Variants in BICD1 observed in about 807,000 individuals in gnomAD.
The protein encoded by BICD1 is BICD cargo adaptor 1, also known as protein bicaudal D homolog 1.
BICD1 carries 35 observed loss-of-function variants against 92.5 expected under a neutral mutation model. The observed-to-expected ratio is 0.38, with a 90% CI of 0.29 to 0.50. The LOEUF (loss-of-function observed/expected upper bound fraction) is 0.50. Ranked by LOEUF, BICD1 falls within the 20% of genes least tolerant of loss-of-function variation. The pLI is 0.93. For missense variants in BICD1, 950 were observed against 1,189.8 expected (o/e 0.80, Z 2.97); for synonymous variants, 429 against 465.1 (o/e 0.92, Z 1.00).
intron 1 of BICD1, among the ~76,000 whole-genome samples, chr12:32,154,243 A>G (rs1448658361): frequency 2.0e-5 from 3 of 151,978 alleles, no homozygotes; most frequent in Non-Finnish European, 2.9e-5. Flanking sequence ...TACTTTATGT[A>G]TATGTTCTGG....
chr12:32,288,214 C>G (rs1300355651), intron 2 of BICD1, among the ~76,000 whole-genome samples: 1 of 146,014 alleles, frequency 6.8e-6, no homozygotes, highest in East Asian at 2.0e-4. Context: ...TGTCACCTAC[C>G]AAGTCCTAAT....
intron 2 of BICD1, among the ~76,000 whole-genome samples, chr12:32,238,231 T>A (rs1394010414): frequency 6.7e-6 from 1 of 149,150 alleles, no homozygotes; most frequent in African/African-American, 2.6e-5. Flanking sequence ...GAGACCCCCA[T>A]CTCCTAAAAA....
At chr12:32,283,972 T>C (rs1173576981) in intron 2 of BICD1, among the ~76,000 whole-genome samples, 1 of 152,246 alleles carries the variant, frequency 6.6e-6, no homozygotes, top group Non-Finnish European at 1.5e-5. Flanking sequence ...CTGGGCTCAC[T>C]TGGGCTAAAG....
At chr12:32,292,492 C>A (rs1947751926) in intron 2 of BICD1, among the ~76,000 whole-genome samples, 1 of 152,116 alleles carries the variant, frequency 6.6e-6, no homozygotes, top group Non-Finnish European at 1.5e-5. Context: ...GACAATTGAA[C>A]CTACATAGCA....
In BICD1 at chr12:32,377,663, G is replaced by A; in HGVS notation, c.*36G>A. On this transcript the variant is annotated 3_prime_UTR_variant, in exon 10 of 10. Transcript: ENST00000652176. ...CTGTGGACGAACATCTGGGGTGGAAGTTTTGTAGCCACACACAGGATACTG... is the reference window on the plus strand; with the variant it reads ...CTGTGGACGAACATCTGGGGTGGAAATTTTGTAGCCACACACAGGATACTG... 6.4e-7 allele frequency: 1 copy of A among 1,561,144 alleles called. No homozygotes were observed. The highest frequency in any genetic ancestry group is 8.8e-7 in the Non-Finnish European group (1 of 1,131,996).
chr12:32,117,470 T>C (rs1411772690), intron 1 of BICD1, among the ~76,000 whole-genome samples: 1 of 152,142 alleles, frequency 6.6e-6, no homozygotes, highest in Admixed American at 6.5e-5. Context: ...TTTTGATTTA[T>C]GTTTTGCTTT....
At chr12:32,152,716 T>C (rs185940558) in intron 1 of BICD1, among the ~76,000 whole-genome samples, 22 of 152,358 alleles carry the variant, frequency 1.4e-4, no homozygotes, top group African/African-American at 5.3e-4. Context: ...AATTCTTTTA[T>C]TTATGGAATT....
Position 32,174,426 on chromosome 12 carries a change from C to T in BICD1, c.214-41821C>T, listed in dbSNP as rs561300394. On this transcript the variant is annotated intron_variant, in intron 1 of 9. Coordinates refer to ENST00000652176, the MANE Select transcript of BICD1 (RefSeq NM_001714.4). ...GCCGAGGTGGGAGGATTGCTTAAGC[C>T]CAGGAGTTTGAGGCTGCAGTGTACA... Among the ~76,000 whole-genome samples the T allele has an allele frequency of 2.7e-3, 416 of 152,002 alleles. 2 individuals carry two copies. The highest frequency in any genetic ancestry group is 9.8e-3 in the African/African-American group (405 of 41,462).
chr12:32,332,615 C>T (rs973949053), intron 5 of BICD1: 10 of 306,080 alleles, frequency 3.3e-5, no homozygotes, highest in South Asian at 1.3e-4. Flanking sequence ...TACAGTTCAA[C>T]GTTACACATG....
At chr12:32,292,012 T>A (rs2136190295) in intron 2 of BICD1, among the ~76,000 whole-genome samples, 1 of 152,280 alleles carries the variant, frequency 6.6e-6, no homozygotes, top group East Asian at 1.9e-4. Context: ...TGCATTTACT[T>A]CTGTCACTGT....
At chr12:32,155,487 A>G (rs1943411467) in intron 1 of BICD1, among the ~76,000 whole-genome samples, 1 of 152,244 alleles carries the variant, frequency 6.6e-6, no homozygotes, top group African/African-American at 2.4e-5. Context: ...CTCACAGATT[A>G]AAGTACAGCC....
chr12:32,199,877 G>A (rs999250645), intron 1 of BICD1, among the ~76,000 whole-genome samples: 1 of 152,094 alleles, frequency 6.6e-6, no homozygotes, highest in Non-Finnish European at 1.5e-5. Context: ...AATGGGTCCT[G>A]TTAAGAATTC....
At position 32,131,046 on chromosome 12, in the gene BICD1, G is replaced by A. The variant is rs1157711101; in HGVS notation, c.213+23502G>A. On this transcript the variant is annotated intron_variant, in intron 1 of 9. Transcript: ENST00000652176. ...GACGGGGTTTCGTCATGTTGGCCAG[G>A]CTGGTCTCGAACTCCTGACCTCAGG... is the stretch of plus-strand genomic sequence containing the variant. Among the ~76,000 whole-genome samples, 8 of 152,016 alleles carry A rather than the reference G, an allele frequency of 5.3e-5. No homozygotes were observed. The East Asian group carries it at 1.6e-3, about 30-fold the overall frequency.
chr12:32,368,320 C>T (rs554871634), intron 9 of BICD1, among the ~76,000 whole-genome samples: 1 of 151,992 alleles, frequency 6.6e-6, no homozygotes, highest in Non-Finnish European at 1.5e-5. Context: ...AGCTATGATA[C>T]CACTGCACAC....
intron 2 of BICD1, among the ~76,000 whole-genome samples, chr12:32,246,675 G>T (rs905010170): frequency 1.3e-5 from 2 of 152,088 alleles, no homozygotes; most frequent in African/African-American, 4.8e-5. Flanking sequence ...ATTATTTGCA[G>T]ATTTTCAGTG....
At chr12:32,226,282 A>G (rs1318491344) in intron 2 of BICD1, among the ~76,000 whole-genome samples, 17 of 152,012 alleles carry the variant, frequency 1.1e-4, no homozygotes, top group Non-Finnish European at 1.5e-5. Flanking sequence ...CTACAGGCAC[A>G]TGCCACCATG....
At chr12:32,125,768 C>T (rs746249222) in intron 1 of BICD1, among the ~76,000 whole-genome samples, 3 of 152,016 alleles carry the variant, frequency 2.0e-5, no homozygotes, top group Middle Eastern at 3.4e-3. Context: ...GTTGGCTAGG[C>T]GCAGTGGCTC....
chr12:32,160,952 A>C (rs1227029033), intron 1 of BICD1, among the ~76,000 whole-genome samples: 1 of 152,224 alleles, frequency 6.6e-6, no homozygotes, highest in East Asian at 1.9e-4. Context: ...ATCTAACTTC[A>C]TTAAAAACAC....
chr12:32,167,806 G>A (rs1026740196), intron 1 of BICD1, among the ~76,000 whole-genome samples: 4 of 152,170 alleles, frequency 2.6e-5, no homozygotes, highest in Non-Finnish European at 5.9e-5. Context: ...CTAAGTGATT[G>A]AGGGAAACCC....
Sources: allele counts gnomAD v4.1 joint callset (sites outside exome capture counted in the v4.1 genomes callset), GRCh38; gene constraint gnomAD v4.1.1; transcripts MANE v1.5; gene names NCBI Gene and HGNC (gene_info 2026-07-23, HGNC 2026-07-21).